The following ARHGAP12 variants were observed in gnomAD, a reference collection of about 807,000 sequenced individuals.
ARHGAP12 encodes the protein Rho GTPase activating protein 12, also known as rho GTPase-activating protein 12.
In ARHGAP12, 64 loss-of-function variants were observed where a neutral mutation model predicts 108.6. That is an observed-to-expected ratio of 0.59 (90% confidence interval 0.48 to 0.73). The LOEUF is 0.73. Among genes scored for constraint, ARHGAP12 ranks in the 30% least tolerant of loss-of-function variants. The pLI is 0.00. For missense variants in ARHGAP12, 940 were observed against 1,005.9 expected, an observed-to-expected ratio of 0.93 and a Z score of 0.89; for synonymous variants, 312 against 337.2, an observed-to-expected ratio of 0.93 and a Z score of 0.82.
rs181156310 is a variant in ARHGAP12 at position 31,878,524 on chromosome 10, T to C, written c.685-16866A>G. On this transcript the variant is annotated intron_variant, in intron 3 of 19. Coordinates refer to ENST00000344936, the MANE Select transcript of ARHGAP12 (RefSeq NM_018287.7). ...TGCAATTTTGTATTTGAATGTCTTA[T>C]TGTATTTTACATTTATTAAAATGAG... 1.6e-3 allele frequency among the ~76,000 whole-genome samples: 249 copies of C among 152,364 alleles called. 8 individuals carry two copies. Among genetic ancestry groups the C allele is most frequent in the Admixed American group, 0.015 (237 of 15,308 alleles).
At chr10:31,836,101 A>G (rs1836006415) in intron 9 of ARHGAP12, among the ~76,000 whole-genome samples, 1 of 152,208 alleles carries the variant, frequency 6.6e-6, no homozygotes, top group African/African-American at 2.4e-5. Flanking sequence ...TTAGAATAGT[A>G]ATATTCAATG....
rs1834858035 is a variant in ARHGAP12, at chr10:31,807,503, C to T, written c.*155G>A. The stretch of plus-strand genomic sequence containing the variant: ...AAGCAGCAAATATGAGGGCCTAACA[C>T]ACATCTCGACTCTCCCCTTCCCTTC... On this transcript the variant is annotated 3_prime_UTR_variant, in exon 20 of 20. Coordinates refer to ENST00000344936, the MANE Select transcript of ARHGAP12 (RefSeq NM_018287.7). 2 of 566,700 alleles carry T rather than the reference C, an allele frequency of 3.5e-6. No homozygotes were observed. Among genetic ancestry groups the T allele is most frequent in the Admixed American group, 3.9e-5 (1 of 25,434 alleles). 35.1% of individuals were successfully genotyped at this position (566,700 alleles called of 1,614,324 possible).
intron 9 of ARHGAP12, among the ~76,000 whole-genome samples, chr10:31,837,545 T>C (rs1836075110): frequency 6.6e-6 from 1 of 152,180 alleles, no homozygotes; most frequent in African/African-American, 2.4e-5. Flanking sequence ...TACGTTAGTC[T>C]GACAAAGCTT....
Position 31,871,452 on chromosome 10 carries a change from C to A in ARHGAP12, c.685-9794G>T, listed in dbSNP as rs979337095. On this transcript the variant is annotated intron_variant, in intron 3 of 19. Coordinates refer to ENST00000344936, the MANE Select transcript of ARHGAP12 (RefSeq NM_018287.7). The stretch of plus-strand genomic sequence containing the variant: ...ATGCTAAGACTTAGCTGTCACCTTA[C>A]GGCTTGCTTCTGTCCTCCCCCTCTC... Among the ~76,000 whole-genome samples, 8 of 152,106 alleles carry A rather than the reference C, an allele frequency of 5.3e-5. No individual in the cohort carries two copies. The East Asian group carries it at 1.3e-3, about 26-fold the overall frequency.
chr10:31,842,232 A>C (rs555940218), intron 7 of ARHGAP12, among the ~76,000 whole-genome samples: 172 of 152,188 alleles, frequency 1.1e-3, no homozygotes, highest in African/African-American at 3.8e-3. Flanking sequence ...CAATGGTTTG[A>C]CTTAGAACAG....
At chr10:31,815,366 A>G (rs919087258) in intron 13 of ARHGAP12, among the ~76,000 whole-genome samples, 2 of 152,186 alleles carry the variant, frequency 1.3e-5, no homozygotes, top group Non-Finnish European at 2.9e-5. Context: ...ACAGTGCTCT[A>G]TCTGGCACAA....
Position 31,809,112 on chromosome 10 carries a change from C to G in ARHGAP12, c.2145G>C (p.Leu715Phe). The part of the protein sequence containing the change: ...FAVNHDEKLD[L>F]NDSKWEDIHV... ...GAATATCTTCCCATTTACTGTCATTCAAGTCCAATTTCTCATCTGAAAAAC... is the reference window on the plus strand; with the variant it reads ...GAATATCTTCCCATTTACTGTCATTGAAGTCCAATTTCTCATCTGAAAAAC... Residue 715 changes from leucine (L) to phenylalanine (F), a missense_variant, in exon 18 of 20, where the codon TTG (leucine) becomes TTC (phenylalanine). Leu to Phe is a conservative substitution (Grantham distance 22). Coordinates refer to ENST00000344936, the MANE Select transcript of ARHGAP12 (RefSeq NM_018287.7). 1 of 1,613,418 alleles carries G rather than the reference C, an allele frequency of 6.2e-7. No individual in the cohort carries two copies. Among genetic ancestry groups the G allele is most frequent in the Non-Finnish European group, 8.5e-7 (1 of 1,179,732 alleles).
chr10:31,854,271 CTAAT>C, intron 4 of ARHGAP12, 65 bp from the exon 5 acceptor site: 1 of 1,382,556 alleles, frequency 7.2e-7, no homozygotes. Context: ...GGTTGAAAAT[CTAAT>C]AAATAAATTT....
chr10:31,908,427 A>C lies in ARHGAP12; in HGVS notation c.429T>G (p.Gly143=). ...GGTCCAGGCTTAGGTTGACAGTCTG[A>C]CCTTGATTATAACTGGGTCCAAAAT... ...NQNFGPSYNQ[G]QTVNLSLDLT... Residue 143 remains glycine (G), a synonymous_variant, in exon 3 of 20, where the codon GGT becomes GGG. Transcript: ENST00000344936. 6.2e-7 allele frequency: 1 copy of C among 1,614,154 alleles called. No individual in the cohort carries two copies. Among genetic ancestry groups the C allele is most frequent in the Non-Finnish European group, 8.5e-7 (1 of 1,180,016 alleles).
chr10:31,882,436 T>C (rs1018782743), intron 3 of ARHGAP12, among the ~76,000 whole-genome samples: 8 of 152,158 alleles, frequency 5.3e-5, no homozygotes, highest in Non-Finnish European at 1.0e-4. Context: ...AGTCAAATTT[T>C]TCAAAGAAAG....
intron 3 of ARHGAP12, among the ~76,000 whole-genome samples, chr10:31,887,650 GTTTTTTTTTTGT>G (rs1014531897): frequency 9.6e-5 from 13 of 135,626 alleles, no homozygotes; most frequent in Non-Finnish European, 1.7e-4. Context: ...TGCCCTTCCT[GTTTTTTTTTTGT>G]TTTTTTTTTT....
chr10:31,918,344 C>T (rs1433852783), intron 1 of ARHGAP12, among the ~76,000 whole-genome samples: 1 of 151,562 alleles, frequency 6.6e-6, no homozygotes, highest in Non-Finnish European at 1.5e-5. Context: ...CACACACACA[C>T]ACACACACAC....
At chr10:31,812,585 C>T in intron 15 of ARHGAP12, 122 bp downstream of exon 15, 1 of 662,158 alleles carries the variant, frequency 1.5e-6, no homozygotes, top group Non-Finnish European at 2.5e-6. Context: ...AATCACTGTA[C>T]TTGAATACAT....
intron 12 of ARHGAP12, among the ~76,000 whole-genome samples, chr10:31,819,062 C>G (rs11008661): frequency 0.051 from 7,678 of 151,566 alleles, 648 homozygotes; most frequent in African/African-American, 0.17. Flanking sequence ...AAGGGAAAAA[C>G]AAAAAAATTG....
At chr10:31,823,819 T>G (rs1306126245) in intron 11 of ARHGAP12, among the ~76,000 whole-genome samples, 1 of 152,188 alleles carries the variant, frequency 6.6e-6, no homozygotes, top group Non-Finnish European at 1.5e-5. Flanking sequence ...AAGAGCAGTT[T>G]TCACTTGAGG....
intron 6 of ARHGAP12, among the ~76,000 whole-genome samples, chr10:31,845,774 T>C (rs1564386064): frequency 1.3e-5 from 2 of 152,092 alleles, no homozygotes; most frequent in Admixed American, 6.5e-5. Context: ...GACAGAGTGA[T>C]AGTCTGTCTC....
intron 1 of ARHGAP12, among the ~76,000 whole-genome samples, chr10:31,918,265 G>A (rs758193090): frequency 4.6e-5 from 7 of 150,716 alleles, no homozygotes; most frequent in South Asian, 4.2e-4. Flanking sequence ...GTATATAAGC[G>A]GCCAGTAAGA....
intron 3 of ARHGAP12, among the ~76,000 whole-genome samples, chr10:31,891,687 G>A (rs373802196): frequency 2.1e-4 from 32 of 152,206 alleles, no homozygotes; most frequent in African/African-American, 5.5e-4. Flanking sequence ...TTCCAACTTC[G>A]TTCCATTCTC....
At chr10:31,923,132 GAAAAAA>G (rs58930834) in intron 1 of ARHGAP12, among the ~76,000 whole-genome samples, 5 of 83,224 alleles carry the variant, frequency 6.0e-5, no homozygotes, top group Non-Finnish European at 8.6e-5. Flanking sequence ...ACCCTAACAG[GAAAAAA>G]AAAAAAAAAA....
Sources: allele counts gnomAD v4.1 joint callset (sites outside exome capture counted in the v4.1 genomes callset), GRCh38; gene constraint gnomAD v4.1.1; transcripts MANE v1.5; gene names NCBI Gene and HGNC (gene_info 2026-07-23, HGNC 2026-07-21).